The following GPC5 variants were observed in gnomAD, a reference collection of about 807,000 sequenced individuals.
GPC5 encodes glypican 5.
A neutral mutation model predicts 53.9 loss-of-function variants in GPC5; 47 were observed. That is an observed-to-expected ratio of 0.87 (90% CI 0.69 to 1.11). The LOEUF is 1.11. GPC5 is among the 50% of genes most tolerant of loss of function. The probability of loss-of-function intolerance (pLI) is 0.00; values close to 1 mark genes in which losing one functional copy is unlikely to be tolerated. For synonymous variants in GPC5, 286 were observed against 263.3 expected, an observed-to-expected ratio of 1.09 and a Z score of -0.84; for missense variants, 748 against 713.1, an observed-to-expected ratio of 1.05 and a Z score of -0.56.
At chr13:91,488,414 T>A (rs1883736759) in intron 2 of GPC5, among the ~76,000 whole-genome samples, 1 of 152,204 alleles carries the variant, frequency 6.6e-6, no homozygotes, top group African/African-American at 2.4e-5. Flanking sequence ...AGGTCCTATG[T>A]TGCGGAAAGT....
At chr13:91,835,949 T>C (rs1348073274) in intron 5 of GPC5, among the ~76,000 whole-genome samples, 1 of 152,068 alleles carries the variant, frequency 6.6e-6, no homozygotes, top group African/African-American at 2.4e-5. Flanking sequence ...ATGAATCTTT[T>C]AGATCTAGAA....
At chr13:92,040,351 C>T (rs984267334) in intron 6 of GPC5, among the ~76,000 whole-genome samples, 4 of 152,052 alleles carry the variant, frequency 2.6e-5, no homozygotes, top group South Asian at 4.1e-4. Flanking sequence ...TGTGAGTGTG[C>T]GCCGCAATAG....
At chr13:92,217,809 A>T (rs1445166148) in intron 7 of GPC5, among the ~76,000 whole-genome samples, 1 of 152,036 alleles carries the variant, frequency 6.6e-6, no homozygotes, top group East Asian at 1.9e-4. Flanking sequence ...AGAATGCCAG[A>T]TAACTCATGC....
At chr13:91,790,653 A>G (rs1323518788) in intron 5 of GPC5, among the ~76,000 whole-genome samples, 3 of 152,250 alleles carry the variant, frequency 2.0e-5, no homozygotes, top group African/African-American at 7.2e-5. Flanking sequence ...TGATAATCAA[A>G]TGAAAAGCAT....
chr13:92,817,148 A>G (rs1027083537), intron 7 of GPC5, among the ~76,000 whole-genome samples: 4 of 152,026 alleles, frequency 2.6e-5, no homozygotes, highest in Non-Finnish European at 5.9e-5. Flanking sequence ...AAATTATCAT[A>G]CTTATTTTTA....
chr13:91,730,691 A>G (rs1031389505), intron 4 of GPC5, among the ~76,000 whole-genome samples: 4 of 152,232 alleles, frequency 2.6e-5, no homozygotes, highest in African/African-American at 9.6e-5. Context: ...ATGAGTAAGC[A>G]ACAGAGCCTT....
intron 7 of GPC5, among the ~76,000 whole-genome samples, chr13:92,810,922 G>A (rs867074962): frequency 2.6e-5 from 4 of 151,620 alleles, no homozygotes; most frequent in East Asian, 1.9e-4. Context: ...GGGTTTCACC[G>A]TGTTAGCCAG....
intron 5 of GPC5, among the ~76,000 whole-genome samples, chr13:91,782,146 C>T (rs2037807916): frequency 6.6e-6 from 1 of 152,214 alleles, no homozygotes; most frequent in African/African-American, 2.4e-5. Context: ...GCTCTTTCGG[C>T]TGTTTCTCAG....
intron 1 of GPC5, among the ~76,000 whole-genome samples, chr13:91,427,261 C>T (rs974148127): frequency 2.0e-5 from 3 of 152,188 alleles, no homozygotes; most frequent in Non-Finnish European, 4.4e-5. Flanking sequence ...GCACCATGAG[C>T]CTGGAGAAGT....
intron 7 of GPC5, among the ~76,000 whole-genome samples, chr13:92,456,688 T>A (rs1010068003): frequency 6.6e-6 from 1 of 152,154 alleles, no homozygotes; most frequent in Non-Finnish European, 1.5e-5. Flanking sequence ...CTGTCACCTC[T>A]TTCTCTAATT....
intron 2 of GPC5, among the ~76,000 whole-genome samples, chr13:91,459,696 T>C (rs2139136979): frequency 6.6e-6 from 1 of 152,142 alleles, no homozygotes; most frequent in Middle Eastern, 3.4e-3. Context: ...GACAGAGACA[T>C]CCAGTGGAGG....
intron 2 of GPC5, among the ~76,000 whole-genome samples, chr13:91,594,834 T>C (rs2032931622): frequency 6.6e-6 from 1 of 151,718 alleles, no homozygotes; most frequent in Admixed American, 6.6e-5. Flanking sequence ...CATACCACCA[T>C]CTAGCTAATT....
Position 92,815,776 on chromosome 13 carries a change from C to T in GPC5, c.1562-50506C>T, listed in dbSNP as rs115509245. The stretch of plus-strand genomic sequence containing the variant: ...TGCAAGGCAGAGCCAATACAATGCA[C>T]GGCAGATTGAATGTGAAATATGAGA... On this transcript the variant is annotated intron_variant, in intron 7 of 7. Transcript: ENST00000377067. 1.3e-3 allele frequency among the ~76,000 whole-genome samples: 196 copies of T among 151,822 alleles called. 5 individuals carry two copies. The highest frequency in any genetic ancestry group is 4.5e-3 in the African/African-American group (186 of 41,230).
intron 7 of GPC5, among the ~76,000 whole-genome samples, chr13:92,238,165 CT>C (rs2042583903): frequency 6.6e-6 from 1 of 151,824 alleles, no homozygotes; most frequent in Admixed American, 6.6e-5. Flanking sequence ...GTTTTTACTT[CT>C]CTTGATAATA....
intron 7 of GPC5, among the ~76,000 whole-genome samples, chr13:92,159,815 G>T (rs1352315378): frequency 6.6e-6 from 1 of 151,540 alleles, no homozygotes; most frequent in Non-Finnish European, 1.5e-5. Context: ...TGTTAGCCAG[G>T]ATAGTCTCGA....
In GPC5 at chr13:91,503,351, T is replaced by C. The variant is rs530320182; in HGVS notation, c.325+54429T>C. Among the ~76,000 whole-genome samples, 320 of 152,242 alleles carry C rather than the reference T, an allele frequency of 2.1e-3. 1 individual carries two copies. The highest frequency in any genetic ancestry group is 3.5e-3 in the Non-Finnish European group (237 of 68,008). On this transcript the variant is annotated intron_variant, in intron 2 of 7. Transcript: ENST00000377067. Reference sequence around the variant, plus strand: ...TAACTCTGCAATTTATTAATAATAATAAAGTTGACCAAGAATACCATTTAT... The same window carrying C: ...TAACTCTGCAATTTATTAATAATAACAAAGTTGACCAAGAATACCATTTAT...
intron 6 of GPC5, among the ~76,000 whole-genome samples, chr13:91,949,615 A>G (rs1373298789): frequency 6.6e-6 from 1 of 152,178 alleles, no homozygotes; most frequent in Non-Finnish European, 1.5e-5. Flanking sequence ...TTGATGGTCT[A>G]TAGCCAAAGA....
intron 7 of GPC5, among the ~76,000 whole-genome samples, chr13:92,825,017 T>C (rs1002024074): frequency 1.3e-5 from 2 of 152,104 alleles, no homozygotes; most frequent in Non-Finnish European, 2.9e-5. Context: ...AATCAACACG[T>C]CAGACAGACT....
rs1018430887 is a variant in GPC5 at position 92,727,164 on chromosome 13, C to T, written c.1562-139118C>T. On this transcript the variant is annotated intron_variant, in intron 7 of 7. Coordinates refer to ENST00000377067, the MANE Select transcript of GPC5 (RefSeq NM_004466.6). The stretch of plus-strand genomic sequence containing the variant: ...GCAGAGCCCTGTTTTATGTCAACCA[C>T]GCTAAGATAATGTAGCTCGGGGTGC... Among the ~76,000 whole-genome samples, 4 of 151,428 alleles carry T rather than the reference C, an allele frequency of 2.6e-5. No homozygotes were observed. In the Admixed American group the frequency reaches 2.6e-4, roughly 10 times the overall value.
Sources: allele counts gnomAD v4.1 joint callset (sites outside exome capture counted in the v4.1 genomes callset), GRCh38; gene constraint gnomAD v4.1.1; transcripts MANE v1.5; gene names NCBI Gene and HGNC (gene_info 2026-07-23, HGNC 2026-07-21).